LIN52: variants seen among roughly 807,000 people sequenced by gnomAD.
LIN52 encodes the protein protein lin-52 homolog.
A neutral mutation model predicts 18.5 loss-of-function variants in LIN52; 4 were observed. That is an observed-to-expected ratio of 0.22 (90% CI 0.11 to 0.49). The LOEUF (loss-of-function observed/expected upper bound fraction) is 0.49. LIN52 is among the 20% of genes least tolerant of loss of function. The pLI is 0.97. For missense variants in LIN52, 102 were observed against 139.5 expected, an observed-to-expected ratio of 0.73 and a Z score of 1.35; for synonymous variants, 34 against 45.5, an observed-to-expected ratio of 0.75 and a Z score of 1.02.
intron 5 of LIN52, among the ~76,000 whole-genome samples, chr14:74,113,038 A>G (rs1277599512): frequency 1.3e-5 from 2 of 152,220 alleles, no homozygotes; most frequent in African/African-American, 4.8e-5. Flanking sequence ...GAAGGCAATT[A>G]GTGATGTCTG....
In LIN52 at chr14:74,175,006, C is replaced by T. The variant is rs371455503; in HGVS notation, c.284-23916C>T. ...CTCTATCCTGGGTGACAGAGTGAAA[C>T]CTTGACTCAAAGAAAATAATAATAA... is the stretch of plus-strand genomic sequence containing the variant. On this transcript the variant is annotated intron_variant, in intron 5 of 5. Transcript: ENST00000555028. Among the ~76,000 whole-genome samples the T allele has an allele frequency of 2.3e-4, 7 of 30,024 alleles. No individual in the cohort carries two copies. The South Asian group carries it at 3.9e-3, about 17-fold the overall frequency. 19.7% of individuals were successfully genotyped at this position (30,024 alleles called of 152,430 possible). A position where few individuals can be genotyped will look rare whatever the true frequency, so the allele number is the denominator to read the frequency against.
At chr14:74,153,374 G>A (rs931161809) in intron 5 of LIN52, among the ~76,000 whole-genome samples, 10 of 151,918 alleles carry the variant, frequency 6.6e-5, no homozygotes, top group Non-Finnish European at 1.5e-4. Flanking sequence ...TTGATATTTT[G>A]CATGGGGTTA....
intron 5 of LIN52, among the ~76,000 whole-genome samples, chr14:74,117,885 A>C (rs1195700320): frequency 6.6e-6 from 1 of 152,226 alleles, no homozygotes; most frequent in African/African-American, 2.4e-5. Flanking sequence ...TCTAACTGTT[A>C]AGTCTAAACT....
chr14:74,103,158 A>C lies in LIN52; in HGVS notation c.283+1920A>C, dbSNP rs181836545. 1.4e-4 allele frequency among the ~76,000 whole-genome samples: 22 copies of C among 152,240 alleles called. No individual in the cohort carries two copies. The East Asian group carries it at 3.5e-3, about 24-fold the overall frequency. ...CAGTGGTGCAATCTCGGCTCACGGC[A>C]ACCTCCATCTCTTGGGTTCAAGTGA... On this transcript the variant is annotated intron_variant, in intron 5 of 5. Coordinates refer to ENST00000555028, the MANE Select transcript of LIN52 (RefSeq NM_001024674.3).
At chr14:74,101,490 G>A (rs556714605) in intron 5 of LIN52, among the ~76,000 whole-genome samples, 37 of 144,984 alleles carry the variant, frequency 2.6e-4, no homozygotes, top group African/African-American at 8.8e-4. Flanking sequence ...ACGGAGTCTC[G>A]CTCTGTCGCC....
chr14:74,130,381 G>A (rs370413629), intron 5 of LIN52, among the ~76,000 whole-genome samples: 5 of 144,682 alleles, frequency 3.5e-5, no homozygotes, highest in Admixed American at 7.3e-5. Context: ...GGGTTCAAGC[G>A]ATTCTCCTGC....
chr14:74,194,474 A>G (rs191660411), intron 5 of LIN52, among the ~76,000 whole-genome samples: 75 of 152,298 alleles, frequency 4.9e-4, no homozygotes, highest in African/African-American at 1.8e-3. Flanking sequence ...TACAGCTGCC[A>G]TGAACTGGAT....
intron 5 of LIN52, among the ~76,000 whole-genome samples, chr14:74,179,755 C>T (rs1279088762): frequency 1.3e-5 from 2 of 152,012 alleles, no homozygotes; most frequent in African/African-American, 2.4e-5. Context: ...AGACACCCCC[C>T]TTGTGGTTTA....
chr14:74,155,516 AG>A (rs1463497374), intron 5 of LIN52, among the ~76,000 whole-genome samples: 4 of 152,202 alleles, frequency 2.6e-5, no homozygotes, highest in African/African-American at 9.6e-5. Flanking sequence ...GATGGATGAA[AG>A]GGGGTGGGGG....
chr14:74,134,602 G>T (rs2061087166), intron 5 of LIN52, among the ~76,000 whole-genome samples: 1 of 152,040 alleles, frequency 6.6e-6, no homozygotes, highest in Admixed American at 6.6e-5. Flanking sequence ...TATCACTGTT[G>T]ATAATTAAAC....
chr14:74,158,359 C>A (rs1043189488), intron 5 of LIN52, among the ~76,000 whole-genome samples: 182 of 152,110 alleles, frequency 1.2e-3, no homozygotes, highest in Non-Finnish European at 1.6e-3. Flanking sequence ...GTAATCCTCT[C>A]GCCTCAGCCT....
In LIN52 at chr14:74,199,035, C is replaced by T; in HGVS notation, c.*58C>T. ...GAAACCAAGCTCCCTTCCCGGTGCA[C>T]CTCTAACAATGCACACCTCACTGCT... On this transcript the variant is annotated 3_prime_UTR_variant, in exon 6 of 6. Coordinates refer to ENST00000555028, the MANE Select transcript of LIN52 (RefSeq NM_001024674.3). The T allele has an allele frequency of 2.5e-6, 3 of 1,222,796 alleles. No individual in the cohort carries two copies. Among genetic ancestry groups the T allele is most frequent in the East Asian group, 2.3e-5 (1 of 43,154 alleles). 75.7% of individuals were successfully genotyped at this position (1,222,796 alleles called of 1,614,324 possible). A position where few individuals can be genotyped will look rare whatever the true frequency, so the allele number is the denominator to read the frequency against.
intron 1 of LIN52, 43 bp downstream of exon 1, chr14:74,085,036 T>C: frequency 7.3e-7 from 1 of 1,362,492 alleles, no homozygotes. Flanking sequence ...CCTCCTTCTT[T>C]GCTCTACTGG....
chr14:74,115,250 T>C (rs1226454653), intron 5 of LIN52, among the ~76,000 whole-genome samples: 3 of 152,206 alleles, frequency 2.0e-5, no homozygotes, highest in African/African-American at 7.2e-5. Context: ...CTCCATATCC[T>C]TGCTAATAAC....
At chr14:74,185,489 A>G (rs964370950) in intron 5 of LIN52, among the ~76,000 whole-genome samples, 11 of 151,130 alleles carry the variant, frequency 7.3e-5, no homozygotes, top group South Asian at 4.2e-4. Context: ...AATTTTTTGT[A>G]TTTTTAGTAG....
chr14:74,155,118 C>T (rs1032747357), intron 5 of LIN52, among the ~76,000 whole-genome samples: 16 of 152,210 alleles, frequency 1.1e-4, no homozygotes, highest in Non-Finnish European at 2.1e-4. Flanking sequence ...GGCTCTTTGC[C>T]TTCTAGTGCC....
At chr14:74,101,299 C>T (rs940809724) in intron 5 of LIN52, 61 bp downstream of exon 5, 18 of 1,187,832 alleles carry the variant, frequency 1.5e-5, no homozygotes, top group Non-Finnish European at 2.1e-5. Context: ...GTATTCCACC[C>T]TGAGCTCAGG....
At chr14:74,171,736 CT>C (rs534860812) in intron 5 of LIN52, among the ~76,000 whole-genome samples, 20 of 122,704 alleles carry the variant, frequency 1.6e-4, no homozygotes, top group South Asian at 1.4e-3. Flanking sequence ...TATTTTAATT[CT>C]TTTTTTTTTT....
At chr14:74,195,543 G>GGT (rs1450911522) in intron 5 of LIN52, among the ~76,000 whole-genome samples, 11 of 102,128 alleles carry the variant, frequency 1.1e-4, no homozygotes, top group South Asian at 3.4e-4. Context: ...GGTGTGTGTG[G>GGT]GTGTGTGTGT....
Sources: gnomAD v4.1 joint callset for allele counts (sites outside exome capture counted in the v4.1 genomes callset) on GRCh38, gnomAD v4.1.1 for gene constraint, MANE v1.5 for transcripts, NCBI Gene and HGNC (gene_info 2026-07-23, HGNC 2026-07-21) for gene names.